FSIP1: variants seen among roughly 807,000 people sequenced by gnomAD.
FSIP1 encodes fibrous sheath interacting protein 1.
A neutral mutation model predicts 60.9 loss-of-function variants in FSIP1; 65 were observed. The ratio of observed to expected loss-of-function variants is 1.07; its 90% confidence interval spans 0.87 to 1.31. FSIP1 has a LOEUF of 1.31. FSIP1 is among the 40% of genes most tolerant of loss of function. FSIP1 has a pLI of 0.00. For synonymous variants in FSIP1, 209 were observed against 221.2 expected, an observed-to-expected ratio of 0.94 and a Z score of 0.49; for missense variants, 675 against 665.5, an observed-to-expected ratio of 1.01 and a Z score of -0.16.
intron 5 of FSIP1, among the ~76,000 whole-genome samples, chr15:39,753,947 CCTATGCATAG>C (rs61646386): frequency 0.7 from 105,578 of 151,420 alleles, 39,253 homozygotes; most frequent in Non-Finnish European, 0.84. Context: ...ATATATAAGA[CCTATGCATAG>C]CTAACAGATG....
chr15:39,720,647 T>C (rs1895919579), intron 9 of FSIP1, among the ~76,000 whole-genome samples: 1 of 152,206 alleles, frequency 6.6e-6, no homozygotes, highest in Admixed American at 6.5e-5. Context: ...ACTGAATGCT[T>C]ACATAACTCC....
rs1005104695 is a variant in FSIP1 at position 39,779,288 on chromosome 15, G to T, written c.-7-2757C>A. On this transcript the variant is annotated intron_variant, in intron 1 of 11. Coordinates refer to ENST00000350221, the MANE Select transcript of FSIP1 (RefSeq NM_152597.5). ...AAAAGTCCAACTTCTCTTATTAAAGGAATATACACAAAGGGACCTGAAAGA... is the reference window on the plus strand; with the variant it reads ...AAAAGTCCAACTTCTCTTATTAAAGTAATATACACAAAGGGACCTGAAAGA... Among the ~76,000 whole-genome samples the T allele has an allele frequency of 1.5e-4, 23 of 149,706 alleles. 1 individual carries two copies. Among genetic ancestry groups the T allele is most frequent in the Admixed American group, 1.3e-3 (20 of 15,098 alleles).
At chr15:39,674,334 G>A (rs531532565) in intron 10 of FSIP1, among the ~76,000 whole-genome samples, 20 of 152,258 alleles carry the variant, frequency 1.3e-4, no homozygotes, top group East Asian at 5.8e-4. Context: ...GATTACAGGC[G>A]TGAGCCACTG....
chr15:39,713,384 T>C (rs749608294), intron 10 of FSIP1, 60 bp downstream of exon 10: 1 of 1,485,328 alleles, frequency 6.7e-7, no homozygotes, highest in Non-Finnish European at 9.1e-7. Context: ...CTGGGCAACA[T>C]AGTGAGAACC....
chr15:39,741,933 C>T lies in FSIP1; in HGVS notation c.560-33G>A, dbSNP rs375980878. The T allele has an allele frequency of 7.0e-6, 8 of 1,150,548 alleles. No homozygotes were observed. In the African/African-American group the frequency reaches 9.2e-5, roughly 13 times the overall value. 71.3% of individuals were successfully genotyped at this position (1,150,548 alleles called of 1,614,324 possible). ...TTTAAAAAATCACTTGTTCAATGCT[C>T]ACAAAATAAATTAAGTAGTTGTCTA... On this transcript the variant is annotated intron_variant, in intron 5 of 11. Coordinates refer to ENST00000350221, the MANE Select transcript of FSIP1 (RefSeq NM_152597.5).
At chr15:39,627,019 C>T (rs1031504953) in intron 10 of FSIP1, among the ~76,000 whole-genome samples, 1 of 152,166 alleles carries the variant, frequency 6.6e-6, no homozygotes, top group East Asian at 1.9e-4. Flanking sequence ...TAGGCCCCAC[C>T]CATATAAGAG....
At chr15:39,712,201 G>A (rs1001700072) in intron 10 of FSIP1, among the ~76,000 whole-genome samples, 2 of 139,876 alleles carry the variant, frequency 1.4e-5, no homozygotes, top group African/African-American at 5.9e-5. Context: ...CTGTGTCAGT[G>A]CTGCTGCAGT....
In FSIP1 at chr15:39,765,757, T is replaced by C. The variant is rs766538938; in HGVS notation, c.311-11A>G. 2.2e-5 allele frequency: 32 copies of C among 1,431,180 alleles called. No homozygotes were observed. Among genetic ancestry groups the C allele is most frequent in the Non-Finnish European group, 3.1e-5 (32 of 1,045,912 alleles). 88.7% of individuals were successfully genotyped at this position (1,431,180 alleles called of 1,614,324 possible). A position where few individuals can be genotyped will look rare whatever the true frequency, so the allele number is the denominator to read the frequency against. ...TTAATTTGGGTTCATCTATATTGTG[T>C]TGAAAGTAAAAATAGGTTTGAAGTA... is the stretch of plus-strand genomic sequence containing the variant. On this transcript the variant is annotated splice_polypyrimidine_tract_variant and intron_variant, in intron 3 of 11. Transcript: ENST00000350221.
intron 9 of FSIP1, among the ~76,000 whole-genome samples, chr15:39,717,187 G>T (rs978690443): frequency 6.6e-6 from 1 of 152,110 alleles, no homozygotes. Context: ...TTATCAAAAA[G>T]AAATTAAAAT....
intron 10 of FSIP1, among the ~76,000 whole-genome samples, chr15:39,631,854 C>T (rs1354612286): frequency 6.6e-6 from 1 of 152,212 alleles, no homozygotes; most frequent in African/African-American, 2.4e-5. Context: ...AGGGAAAGCT[C>T]TCCTTATTTA....
intron 6 of FSIP1, among the ~76,000 whole-genome samples, chr15:39,740,132 T>C (rs1160273248): frequency 6.6e-6 from 1 of 150,680 alleles, no homozygotes; most frequent in Non-Finnish European, 1.5e-5. Context: ...GACTTTAAAA[T>C]ATATTTTTTA....
intron 5 of FSIP1, among the ~76,000 whole-genome samples, chr15:39,747,071 C>T (rs547183450): frequency 2.4e-4 from 32 of 136,050 alleles, no homozygotes; most frequent in Non-Finnish European, 2.7e-4. Context: ...TTCCTCTTTC[C>T]TCCCTCTCTC....
At chr15:39,603,231 T>G (rs1466359360) in intron 11 of FSIP1, among the ~76,000 whole-genome samples, 1 of 152,164 alleles carries the variant, frequency 6.6e-6, no homozygotes, top group Non-Finnish European at 1.5e-5. Context: ...GGATGGCAGA[T>G]GGATGATGAA....
rs541595072 is a variant in FSIP1, at chr15:39,614,048, T to C, written c.1699+3687A>G. On this transcript the variant is annotated intron_variant, in intron 11 of 11. Transcript: ENST00000350221. Reference sequence around the variant, plus strand: ...ACAAGGATGCCCACTCTCACCACTTTTTTTCAACATAGTACTTAATGTCCT... The same window carrying C: ...ACAAGGATGCCCACTCTCACCACTTCTTTTCAACATAGTACTTAATGTCCT... Among the ~76,000 whole-genome samples the C allele has an allele frequency of 1.3e-4, 20 of 152,244 alleles. No homozygotes were observed. In the South Asian group the frequency reaches 3.5e-3, roughly 27 times the overall value.
intron 10 of FSIP1, among the ~76,000 whole-genome samples, chr15:39,677,733 C>G (rs8040902): frequency 4.6e-5 from 7 of 152,044 alleles, no homozygotes; most frequent in African/African-American, 1.7e-4. Context: ...TGTTTACGAC[C>G]GGGCGTGGTG....
chr15:39,727,055 A>G (rs115528433), intron 8 of FSIP1, among the ~76,000 whole-genome samples: 167 of 152,332 alleles, frequency 1.1e-3, no homozygotes, highest in African/African-American at 3.8e-3. Context: ...CTACATTCAA[A>G]AAATGTTTTG....
chr15:39,618,350 A>G (rs1327053924), intron 10 of FSIP1, 105 bp from the exon 11 acceptor site: 1 of 815,424 alleles, frequency 1.2e-6, no homozygotes, highest in Admixed American at 2.4e-5. Context: ...AACCCCTTAC[A>G]CAACACATAA....
At chr15:39,661,257 A>G (rs1468021145) in intron 10 of FSIP1, among the ~76,000 whole-genome samples, 1 of 152,148 alleles carries the variant, frequency 6.6e-6, no homozygotes, top group Non-Finnish European at 1.5e-5. Flanking sequence ...CTCTATTTCA[A>G]TATATAGAAC....
chr15:39,658,163 T>TA (rs1893144750), intron 10 of FSIP1, among the ~76,000 whole-genome samples: 1 of 152,102 alleles, frequency 6.6e-6, no homozygotes, highest in Non-Finnish European at 1.5e-5. Flanking sequence ...CAGGTTACCA[T>TA]CTTAGGCAAC....
Sources: allele counts gnomAD v4.1 joint callset (sites outside exome capture counted in the v4.1 genomes callset), GRCh38; gene constraint gnomAD v4.1.1; transcripts MANE v1.5; gene names NCBI Gene and HGNC (gene_info 2026-07-23, HGNC 2026-07-21).